Variants in LRRC7 observed in about 807,000 individuals in gnomAD.
The protein encoded by LRRC7 is leucine-rich repeat-containing protein 7.
A neutral mutation model predicts 175.7 loss-of-function variants in LRRC7; 23 were observed. That is an observed-to-expected ratio of 0.13 (90% CI 0.09 to 0.19). The LOEUF (loss-of-function observed/expected upper bound fraction) is 0.19, where lower values mean the gene tolerates loss of function less well. LRRC7 is among the 10% of genes least tolerant of loss of function. LRRC7 has a pLI of 1.00. For missense variants in LRRC7, 1,354 were observed against 1,904.7 expected, an observed-to-expected ratio of 0.71 and a Z score of 5.38; for synonymous variants, 685 against 680.9, an observed-to-expected ratio of 1.01 and a Z score of -0.09.
chr1:69,893,965 C>T (rs866149264), intron 7 of LRRC7, among the ~76,000 whole-genome samples: 4 of 151,936 alleles, frequency 2.6e-5, no homozygotes, highest in Non-Finnish European at 5.9e-5. Context: ...TGGGAGGCAT[C>T]GGCTACTGAA....
At chr1:69,996,475 T>G (rs1654980156) in intron 11 of LRRC7, among the ~76,000 whole-genome samples, 1 of 151,756 alleles carries the variant, frequency 6.6e-6, no homozygotes, top group South Asian at 2.1e-4. Context: ...TCCTTGCCCA[T>G]GCCTATGTCC....
At chr1:70,088,872 C>T (rs913761333) in intron 24 of LRRC7, among the ~76,000 whole-genome samples, 13 of 152,092 alleles carry the variant, frequency 8.5e-5, no homozygotes, top group African/African-American at 2.4e-4. Flanking sequence ...TATCCCAAGG[C>T]GGACCCTACC....
At chr1:69,857,432 C>T (rs1045334550) in intron 7 of LRRC7, among the ~76,000 whole-genome samples, 19 of 152,148 alleles carry the variant, frequency 1.2e-4, no homozygotes, top group African/African-American at 4.6e-4. Flanking sequence ...GATACAAAAT[C>T]AATGTGCAAA....
At chr1:70,073,838 G>A (rs192871130) in intron 23 of LRRC7, among the ~76,000 whole-genome samples, 12 of 152,258 alleles carry the variant, frequency 7.9e-5, no homozygotes, top group South Asian at 2.1e-4. Context: ...TTCCATCCCC[G>A]GCTCCTCTGA....
At chr1:69,783,042 C>T (rs1218110056) in intron 3 of LRRC7, among the ~76,000 whole-genome samples, 1 of 152,192 alleles carries the variant, frequency 6.6e-6, no homozygotes, top group Non-Finnish European at 1.5e-5. Context: ...CTAAAACCCA[C>T]ATTTTTCATT....
chr1:69,730,700 C>T (rs137887071), intron 2 of LRRC7, among the ~76,000 whole-genome samples: 116 of 152,274 alleles, frequency 7.6e-4, no homozygotes, highest in African/African-American at 2.5e-3. Flanking sequence ...TTCTTCTGAA[C>T]GCTTCCAACT....
At chr1:69,936,567 C>T (rs1374363649) in intron 8 of LRRC7, among the ~76,000 whole-genome samples, 2 of 151,828 alleles carry the variant, frequency 1.3e-5, no homozygotes, top group African/African-American at 4.8e-5. Context: ...TTTATTTTTT[C>T]TTCCAAATTT....
At chr1:70,043,282 C>A (rs1008923795) in intron 21 of LRRC7, among the ~76,000 whole-genome samples, 3 of 151,864 alleles carry the variant, frequency 2.0e-5, no homozygotes, top group African/African-American at 7.3e-5. Flanking sequence ...TATGAAATTT[C>A]TTTAGTTTAA....
At chr1:69,770,928 C>T (rs899953153) in intron 3 of LRRC7, among the ~76,000 whole-genome samples, 2 of 152,152 alleles carry the variant, frequency 1.3e-5, no homozygotes, top group Non-Finnish European at 2.9e-5. Context: ...ATTCACCTGA[C>T]GTAAGTCATG....
chr1:69,940,446 G>C (rs1276010403), intron 8 of LRRC7, among the ~76,000 whole-genome samples: 1 of 152,054 alleles, frequency 6.6e-6, no homozygotes, highest in East Asian at 1.9e-4. Context: ...GGATTTTTCT[G>C]AGAACGGCAT....
chr1:69,724,496 T>A (rs1666718871), intron 2 of LRRC7, among the ~76,000 whole-genome samples: 1 of 152,226 alleles, frequency 6.6e-6, no homozygotes, highest in African/African-American at 2.4e-5. Context: ...ATGATAATTA[T>A]TTGAGAATCA....
At chr1:69,905,905 C>T (rs935136637) in intron 7 of LRRC7, among the ~76,000 whole-genome samples, 2 of 152,234 alleles carry the variant, frequency 1.3e-5, no homozygotes, top group Admixed American at 1.3e-4. Context: ...TTCTCCACAT[C>T]CTCTCCAGCA....
chr1:69,690,971 T>A (rs1661783582), intron 2 of LRRC7, among the ~76,000 whole-genome samples: 1 of 152,196 alleles, frequency 6.6e-6, no homozygotes, highest in Admixed American at 6.5e-5. Context: ...ACAGAGCAGC[T>A]GATATCAGCA....
intron 3 of LRRC7, among the ~76,000 whole-genome samples, chr1:69,781,767 A>AGAGAGAGAG: frequency 3.5e-5 from 1 of 28,874 alleles, no homozygotes. Context: ...GAGAGAGAGA[A>AGAGAGAGAG]AGAAAGAAAG....
chr1:69,819,577 C>CTCTCTGTGTGTG (rs1553160548), intron 4 of LRRC7, among the ~76,000 whole-genome samples: 3 of 114,908 alleles, frequency 2.6e-5, no homozygotes, highest in Non-Finnish European at 5.7e-5. Flanking sequence ...CTCTCTCTCT[C>CTCTCTGTGTGTG]TGTGTGTGTG....
intron 24 of LRRC7, among the ~76,000 whole-genome samples, chr1:70,082,467 A>T (rs1010350404): frequency 6.6e-6 from 1 of 152,172 alleles, no homozygotes; most frequent in African/African-American, 2.4e-5. Context: ...GACACAGAGA[A>T]TGTGTGACTC....
intron 21 of LRRC7, among the ~76,000 whole-genome samples, chr1:70,041,029 G>C (rs1323967091): frequency 6.6e-6 from 1 of 152,140 alleles, no homozygotes; most frequent in Non-Finnish European, 1.5e-5. Flanking sequence ...AATGTGCTCT[G>C]CATTGACATT....
chr1:69,991,409 G>A (rs1023957404), intron 10 of LRRC7, among the ~76,000 whole-genome samples: 3 of 152,110 alleles, frequency 2.0e-5, no homozygotes, highest in African/African-American at 7.2e-5. Context: ...AGTAACTGTT[G>A]TAGTAGCTTA....
intron 2 of LRRC7, among the ~76,000 whole-genome samples, chr1:69,750,093 T>TAAATAAATA (rs139997047): frequency 1.1e-4 from 15 of 142,200 alleles, no homozygotes; most frequent in Non-Finnish European, 6.0e-5. Flanking sequence ...AATAAATAAA[T>TAAATAAATA]AATAATAACT....
Sources: gnomAD v4.1 joint callset for allele counts (sites outside exome capture counted in the v4.1 genomes callset) on GRCh38, gnomAD v4.1.1 for gene constraint, MANE v1.5 for transcripts, NCBI Gene and HGNC (gene_info 2026-07-23, HGNC 2026-07-21) for gene names.